The following MREG variants were observed in gnomAD, a reference collection of about 807,000 sequenced individuals.
MREG encodes dilute suppressor protein homolog.
Under a neutral mutation model 28.5 loss-of-function variants are expected in MREG, and 31 were observed. That is an observed-to-expected ratio of 1.09 (90% CI 0.82 to 1.47). MREG has a LOEUF of 1.47. Ranked by LOEUF, MREG falls within the 40% of genes most tolerant of loss-of-function variation. The pLI, the probability that MREG is intolerant of heterozygous loss-of-function variation, is 0.00. For synonymous variants in MREG, 106 were observed against 95.2 expected (o/e 1.11, Z -0.66); for missense variants, 256 against 257.4 (o/e 0.99, Z 0.04).
chr2:215,971,355 TAGG>T (rs1178590356), intron 2 of MREG, among the ~76,000 whole-genome samples: 3 of 152,132 alleles, frequency 2.0e-5, no homozygotes, highest in Admixed American at 6.5e-5. Context: ...CGCTTGGAGG[TAGG>T]AGTTCAATAG....
At chr2:215,988,773 G>A (rs11901264) in intron 2 of MREG, among the ~76,000 whole-genome samples, 17,388 of 152,210 alleles carry the variant, frequency 0.11, 1,303 homozygotes, top group East Asian at 0.39. Flanking sequence ...ACACAAAGCC[G>A]CTGGGAAGTT....
chr2:216,013,982 A>T (rs1224719004), upstream of MREG, among the ~76,000 whole-genome samples: 1 of 152,102 alleles, frequency 6.6e-6, no homozygotes, highest in Non-Finnish European at 1.5e-5. Flanking sequence ...CTAGTCCTTA[A>T]ATAGCCCCTA....
At chr2:215,962,896 G>A (rs1423625302) in intron 2 of MREG, among the ~76,000 whole-genome samples, 1 of 152,232 alleles carries the variant, frequency 6.6e-6, no homozygotes, top group Non-Finnish European at 1.5e-5. Flanking sequence ...AGCAATTTGG[G>A]AGGCCAAAGC....
chr2:216,013,569 CCT>C (rs1302898887), upstream of MREG: 8 of 161,690 alleles, frequency 4.9e-5, no homozygotes, highest in African/African-American at 1.4e-4. Flanking sequence ...CTTTTTTTCC[CCT>C]CTTTTAATTC....
intron 2 of MREG, among the ~76,000 whole-genome samples, chr2:215,969,563 A>G (rs1367571155): frequency 6.6e-6 from 1 of 152,218 alleles, no homozygotes; most frequent in Non-Finnish European, 1.5e-5. Flanking sequence ...TGATGTGTAT[A>G]CAGTAGGTTG....
chr2:215,960,001 G>C (rs1270759151), intron 2 of MREG, among the ~76,000 whole-genome samples: 5 of 151,930 alleles, frequency 3.3e-5, no homozygotes, highest in Non-Finnish European at 7.4e-5. Context: ...TGTCGCACAG[G>C]CTGGAGTGCA....
chr2:215,955,643 C>T (rs1349182711), intron 2 of MREG, among the ~76,000 whole-genome samples: 1 of 152,182 alleles, frequency 6.6e-6, no homozygotes, highest in African/African-American at 2.4e-5. Flanking sequence ...CACCAATTGA[C>T]ATCATCTTAT....
intron 2 of MREG, among the ~76,000 whole-genome samples, chr2:215,988,654 C>T (rs964356338): frequency 3.3e-5 from 5 of 152,218 alleles, no homozygotes; most frequent in South Asian, 2.1e-4. Flanking sequence ...TTGAAATTCT[C>T]GCTGCCAGCA....
chr2:216,009,837 C>T (rs150079199), intron 1 of MREG, among the ~76,000 whole-genome samples: 2 of 152,202 alleles, frequency 1.3e-5, no homozygotes, highest in Non-Finnish European at 1.5e-5. Flanking sequence ...CACCTGGCCT[C>T]AGGTAGATTT....
chr2:216,019,843 C>T (rs1183629346), intron 1 of MREG, among the ~76,000 whole-genome samples: 1 of 152,098 alleles, frequency 6.6e-6, no homozygotes, highest in Admixed American at 6.5e-5. Flanking sequence ...TTGGTTCCCT[C>T]CCTTCCCCAA....
intron 2 of MREG, among the ~76,000 whole-genome samples, chr2:215,982,246 G>A (rs868216374): frequency 6.6e-6 from 1 of 151,812 alleles, no homozygotes; most frequent in Admixed American, 6.6e-5. Flanking sequence ...ACTTGAACCT[G>A]GGAAGCAGAG....
chr2:215,985,316 G>A (rs1239617347), intron 2 of MREG, among the ~76,000 whole-genome samples: 1 of 152,170 alleles, frequency 6.6e-6, no homozygotes, highest in East Asian at 1.9e-4. Flanking sequence ...ATGAACATAA[G>A]GATAATGATT....
intron 2 of MREG, among the ~76,000 whole-genome samples, chr2:215,981,341 G>T (rs6752117): frequency 0.18 from 28,125 of 152,086 alleles, 3,452 homozygotes; most frequent in East Asian, 0.39. Context: ...GGAAGGAAAT[G>T]CTGACGGCTG....
At chr2:215,978,675 G>T (rs1239850956) in intron 2 of MREG, among the ~76,000 whole-genome samples, 1 of 152,108 alleles carries the variant, frequency 6.6e-6, no homozygotes, top group Non-Finnish European at 1.5e-5. Flanking sequence ...CATCAAAAAG[G>T]TTATCCACCA....
At chr2:216,014,505 C>T (rs1423891193), upstream of MREG, among the ~76,000 whole-genome samples, 2 of 151,860 alleles carry the variant, frequency 1.3e-5, no homozygotes, top group African/African-American at 2.4e-5. Flanking sequence ...AAAAATTAGC[C>T]GGGCATGGTG....
chr2:216,027,764 T>C (rs1694617974), intron 1 of MREG, among the ~76,000 whole-genome samples: 1 of 152,154 alleles, frequency 6.6e-6, no homozygotes, highest in South Asian at 2.1e-4. Context: ...AAAGTGTCAG[T>C]TTAAAATTTG....
At chr2:215,974,876 C>T (rs113150589) in intron 2 of MREG, among the ~76,000 whole-genome samples, 12 of 137,866 alleles carry the variant, frequency 8.7e-5, no homozygotes, top group African/African-American at 2.8e-4. Flanking sequence ...TCTCTCTCTC[C>T]CTCTCTCCAC....
chr2:216,032,460 T>G lies in MREG; in HGVS notation c.-68+329A>C, dbSNP rs149742022. On this transcript the variant is annotated intron_variant, in intron 1 of 3. Transcript: ENST00000420348. The stretch of plus-strand genomic sequence containing the variant: ...TCTTGCAACCCTCCGTTGACCCAGT[T>G]GGCTTATGCTAGAGCTGACTAACTG... Among the ~76,000 whole-genome samples, 171 of 152,352 alleles carry G rather than the reference T, an allele frequency of 1.1e-3. 1 individual carries two copies. Among genetic ancestry groups the G allele is most frequent in the African/African-American group, 3.9e-3 (161 of 41,580 alleles).
intron 2 of MREG, among the ~76,000 whole-genome samples, chr2:215,954,268 G>A (rs1325601634): frequency 1.3e-5 from 2 of 152,130 alleles, no homozygotes; most frequent in Non-Finnish European, 2.9e-5. Context: ...TGGATCTAAT[G>A]ACCAGTTCAA....
Sources: allele counts gnomAD v4.1 joint callset (sites outside exome capture counted in the v4.1 genomes callset), GRCh38; gene constraint gnomAD v4.1.1; transcripts MANE v1.5; gene names NCBI Gene and HGNC (gene_info 2026-07-23, HGNC 2026-07-21).